PCDHGB1: variants seen among roughly 807,000 people sequenced by gnomAD.
PCDHGB1 encodes protocadherin gamma subfamily B, 1.
In PCDHGB1, 34 loss-of-function variants were observed where a neutral mutation model predicts 56.6. That is an observed-to-expected ratio of 0.60 (90% CI 0.46 to 0.80). PCDHGB1 has a LOEUF of 0.80. Ranked by LOEUF, PCDHGB1 falls within the 30% of genes least tolerant of loss-of-function variation. The probability of loss-of-function intolerance (pLI) is 0.00; values close to 1 mark genes in which losing one functional copy is unlikely to be tolerated. For synonymous variants in PCDHGB1, 561 were observed against 505.9 expected, an observed-to-expected ratio of 1.11 and a Z score of -1.46; for missense variants, 1,278 against 1,204.6, an observed-to-expected ratio of 1.06 and a Z score of -0.90.
At chr5:141,426,048 A>G (rs2096911760) in intron 1 of PCDHGB1, among the ~76,000 whole-genome samples, 1 of 152,182 alleles carries the variant, frequency 6.6e-6, no homozygotes, top group Non-Finnish European at 1.5e-5. Context: ...CTGTTGGCCA[A>G]TGTGCTGCAA....
At chr5:141,371,589 A>G in intron 1 of PCDHGB1, 1 of 1,613,602 alleles carries the variant, frequency 6.2e-7, no homozygotes, top group Non-Finnish European at 8.5e-7. Flanking sequence ...TCAAGATACC[A>G]AAAACACATA....
At chr5:141,399,662 C>G (rs759226157) in intron 1 of PCDHGB1, 1 of 1,613,666 alleles carries the variant, frequency 6.2e-7, no homozygotes, top group South Asian at 1.1e-5. Context: ...GTGGTGTTCG[C>G]GCAGCGCGCC....
At chr5:141,475,983 C>T in intron 1 of PCDHGB1, 2 of 1,049,240 alleles carry the variant, frequency 1.9e-6, no homozygotes, top group Non-Finnish European at 2.8e-6. Context: ...GAACAGCCGG[C>T]GAGCAAATCA....
intron 1 of PCDHGB1, chr5:141,389,801 C>T: frequency 6.2e-7 from 1 of 1,613,766 alleles, no homozygotes; most frequent in South Asian, 1.1e-5. Context: ...TCCGCCAGCG[C>T]CTTCTGGTCG....
rs537755017 is a variant in PCDHGB1 at position 141,491,797 on chromosome 5, G to A, written c.2410-3010G>A. 16 of 1,506,818 alleles carry A rather than the reference G, an allele frequency of 1.1e-5. No individual in the cohort carries two copies. In the Admixed American group the frequency reaches 2.2e-4, roughly 20 times the overall value. The allele number at this position is 1,506,818 out of a possible 1,614,324, so 93.3% of individuals were successfully genotyped here. A position where few individuals can be genotyped will look rare whatever the true frequency, so the allele number is the denominator to read the frequency against. ...ATTGAACTTGCATCCACTCCTCTCC[G>A]GCCGGCTTGGTCGCTGGCTGCGCTC... On this transcript the variant is annotated intron_variant, in intron 1 of 3. Transcript: ENST00000523390. The surrounding 1 kb of genome is among the most constrained non-coding windows in gnomAD (Gnocchi z 6.9).
intron 1 of PCDHGB1, among the ~76,000 whole-genome samples, chr5:141,456,464 A>T (rs1430885015): frequency 6.6e-6 from 1 of 152,192 alleles, no homozygotes; most frequent in Non-Finnish European, 1.5e-5. Flanking sequence ...TCAATACAAG[A>T]CATATAAGCA....
chr5:141,453,205 G>A lies in PCDHGB1; in HGVS notation c.2410-41602G>A, dbSNP rs570291941. On this transcript the variant is annotated intron_variant, in intron 1 of 3. Coordinates refer to ENST00000523390, the MANE Select transcript of PCDHGB1 (RefSeq NM_018922.3). ...CACAGCTCACTGCAGCCTCAACCTC[G>A]TGCACTTAAGCGATCCTCCCACCTC... Among the ~76,000 whole-genome samples the A allele has an allele frequency of 1.1e-4, 17 of 151,990 alleles. No individual in the cohort carries two copies. In the East Asian group the frequency reaches 2.5e-3, roughly 22 times the overall value.
At chr5:141,463,803 A>G (rs975202568) in intron 1 of PCDHGB1, among the ~76,000 whole-genome samples, 1 of 152,150 alleles carries the variant, frequency 6.6e-6, no homozygotes, top group Non-Finnish European at 1.5e-5. Flanking sequence ...AATGTCTAAA[A>G]GCTTTTATCA....
At chr5:141,430,837 CG>C in intron 1 of PCDHGB1, 1 of 1,560,074 alleles carries the variant, frequency 6.4e-7, no homozygotes, top group African/African-American at 1.4e-5. Flanking sequence ...TGTGGGAGAC[CG>C]GATGCACCCA....
At chr5:141,364,840 C>G in intron 1 of PCDHGB1, 2 of 1,614,010 alleles carry the variant, frequency 1.2e-6, no homozygotes, top group Non-Finnish European at 1.7e-6. Context: ...TCCGGAGTTA[C>G]CAGCTCAGCT....
At chr5:141,404,795 G>C (rs769293241) in intron 1 of PCDHGB1, 4 of 1,614,042 alleles carry the variant, frequency 2.5e-6, no homozygotes, top group Admixed American at 1.7e-5. Flanking sequence ...CAGTGAGCCA[G>C]GGCTCTTCTC....
chr5:141,362,225 C>T, intron 1 of PCDHGB1: 1 of 1,614,040 alleles, frequency 6.2e-7, no homozygotes, highest in Non-Finnish European at 8.5e-7. Context: ...GTGGCCTTGG[C>T]CTTGATCTCA....
intron 1 of PCDHGB1, chr5:141,367,368 TCTA>T (rs1266563786): frequency 1.3e-5 from 2 of 151,884 alleles, no homozygotes; most frequent in Non-Finnish European, 2.9e-5. Flanking sequence ...GAAACCCTGT[TCTA>T]CTAAAAATAC....
chr5:141,419,137 CA>C (rs1561778370), intron 1 of PCDHGB1: 1 of 1,613,892 alleles, frequency 6.2e-7, no homozygotes, highest in African/African-American at 1.3e-5. Flanking sequence ...CAGCCACAGA[CA>C]GGGGCAAGCC....
intron 1 of PCDHGB1, among the ~76,000 whole-genome samples, chr5:141,464,431 A>G (rs1352563675): frequency 6.6e-6 from 1 of 151,648 alleles, no homozygotes; most frequent in Non-Finnish European, 1.5e-5. Flanking sequence ...ATATAGATAT[A>G]TATGTTTGTT....
intron 1 of PCDHGB1, among the ~76,000 whole-genome samples, chr5:141,455,549 C>G (rs911113181): frequency 1.3e-5 from 2 of 152,042 alleles, no homozygotes; most frequent in Non-Finnish European, 2.9e-5. Flanking sequence ...TCACGTAGCC[C>G]GAGAAAAAGC....
chr5:141,382,652 G>A, intron 1 of PCDHGB1: 1 of 410,070 alleles, frequency 2.4e-6, no homozygotes, highest in Non-Finnish European at 4.3e-6. Flanking sequence ...AACTTAGTAA[G>A]GACTCACAGC....
At position 141,431,896 on chromosome 5, in the gene PCDHGB1, C is replaced by A. The variant is rs1292629023; in HGVS notation, c.2410-62911C>A. The A allele has an allele frequency of 6.2e-7, 1 of 1,613,940 alleles. No homozygotes were observed. The highest frequency in any genetic ancestry group is 1.3e-5 in the African/African-American group (1 of 74,924). On this transcript the variant is annotated intron_variant, in intron 1 of 3. Coordinates refer to ENST00000523390, the MANE Select transcript of PCDHGB1 (RefSeq NM_018922.3). This position sits in a 1 kb window ranked among gnomAD's most constrained non-coding sequence, Gnocchi z 4.8. Reference sequence around the variant, plus strand: ...TAAATGACCAAGATTCTGAGGAAAACGGACAGGTGATCTGTTTCATCCAAG... The same window carrying A: ...TAAATGACCAAGATTCTGAGGAAAAAGGACAGGTGATCTGTTTCATCCAAG...
At position 141,511,622 on chromosome 5, in the gene PCDHGB1, A is replaced by G; in HGVS notation, c.*449A>G. 4.3e-6 allele frequency: 1 copy of G among 232,852 alleles called. No individual in the cohort carries two copies. The highest frequency in any genetic ancestry group is 8.7e-6 in the Non-Finnish European group (1 of 114,994). The allele number at this position is 232,852 out of a possible 1,614,324, so 14.4% of individuals were successfully genotyped here. A position where few individuals can be genotyped will look rare whatever the true frequency, so the allele number is the denominator to read the frequency against. On this transcript the variant is annotated 3_prime_UTR_variant, in exon 4 of 4. Transcript: ENST00000523390. ...AACCTACAAGCCTCCTAGTTCTGAA[A>G]AGTTGGAAGGGCATCATGACCTCTT...
Sources: allele counts gnomAD v4.1 joint callset (sites outside exome capture counted in the v4.1 genomes callset), GRCh38; gene constraint gnomAD v4.1.1; non-coding constraint Gnocchi (gnomAD v3.1); transcripts MANE v1.5; gene names NCBI Gene and HGNC (gene_info 2026-07-23, HGNC 2026-07-21).